The following CSMD1 variants were observed in gnomAD, a reference collection of about 807,000 sequenced individuals.
CSMD1 encodes the protein CUB and sushi domain-containing protein 1.
A neutral mutation model predicts 417.5 loss-of-function variants in CSMD1; 213 were observed. The observed-to-expected ratio is 0.51, with a 90% CI of 0.46 to 0.57. CSMD1 has a LOEUF of 0.57. Ranked by LOEUF, CSMD1 falls within the 20% of genes least tolerant of loss-of-function variation. CSMD1 has a pLI of 0.00. For missense variants in CSMD1, 6,923 were observed against 4,529.7 expected (o/e 1.53, Z -15.17); for synonymous variants, 2,862 against 1,736.8 (o/e 1.65, Z -16.11).
At chr8:3,867,170 G>T (rs561581434) in intron 5 of CSMD1, among the ~76,000 whole-genome samples, 1 of 152,114 alleles carries the variant, frequency 6.6e-6, no homozygotes, top group East Asian at 1.9e-4. Context: ...ATAGTTCACT[G>T]GTCTTTGGTC....
intron 1 of CSMD1, among the ~76,000 whole-genome samples, chr8:4,867,917 C>G (rs1461063651): frequency 6.6e-6 from 1 of 151,464 alleles, no homozygotes; most frequent in Non-Finnish European, 1.5e-5. Flanking sequence ...AATTTTCGAG[C>G]TAAGACCCTA....
chr8:4,325,466 A>G (rs1471142494), intron 3 of CSMD1, among the ~76,000 whole-genome samples: 1 of 152,180 alleles, frequency 6.6e-6, no homozygotes, highest in Non-Finnish European at 1.5e-5. Context: ...AGAATCGTCT[A>G]CTTTCAAGCG....
intron 1 of CSMD1, among the ~76,000 whole-genome samples, chr8:4,856,096 T>C (rs1451487137): frequency 4.0e-5 from 6 of 151,064 alleles, no homozygotes; most frequent in Admixed American, 3.9e-4. Context: ...CAGAAGAGAG[T>C]GGGGGCCAAT....
At chr8:4,157,788 G>C (rs2131081255) in intron 3 of CSMD1, among the ~76,000 whole-genome samples, 1 of 152,290 alleles carries the variant, frequency 6.6e-6, no homozygotes, top group East Asian at 1.9e-4. Flanking sequence ...ACAGCTGGGT[G>C]AACTTGCCCA....
chr8:4,043,851 A>C (rs1798015531), intron 3 of CSMD1, among the ~76,000 whole-genome samples: 1 of 152,230 alleles, frequency 6.6e-6, no homozygotes, highest in South Asian at 2.1e-4. Context: ...ACATACAAAA[A>C]TGATGAGACA....
intron 2 of CSMD1, among the ~76,000 whole-genome samples, chr8:4,574,078 C>T (rs749398045): frequency 6.6e-6 from 1 of 152,124 alleles, no homozygotes; most frequent in Non-Finnish European, 1.5e-5. Context: ...GTGGGACCCA[C>T]TGAGCAAGAC....
intron 3 of CSMD1, among the ~76,000 whole-genome samples, chr8:4,393,428 G>A (rs904704254): frequency 1.1e-4 from 16 of 152,152 alleles, no homozygotes; most frequent in Admixed American, 3.9e-4. Flanking sequence ...AAAATACATA[G>A]AACCCAAAAT....
At chr8:4,176,501 T>A (rs1023964648) in intron 3 of CSMD1, among the ~76,000 whole-genome samples, 1 of 152,126 alleles carries the variant, frequency 6.6e-6, no homozygotes, top group South Asian at 2.1e-4. Flanking sequence ...CACTACTGGT[T>A]CTATACCTTC....
intron 1 of CSMD1, among the ~76,000 whole-genome samples, chr8:4,878,377 A>T (rs1380275254): frequency 6.6e-6 from 1 of 152,112 alleles, no homozygotes; most frequent in Non-Finnish European, 1.5e-5. Flanking sequence ...AGCCTAAACT[A>T]TACCATTAAA....
chr8:4,450,454 C>G, intron 2 of CSMD1, among the ~76,000 whole-genome samples: 1 of 152,180 alleles, frequency 6.6e-6, no homozygotes, highest in Middle Eastern at 3.4e-3. Context: ...GGTGAAACCT[C>G]ATCTCTACTG....
chr8:4,207,280 T>C (rs1800035777), intron 3 of CSMD1, among the ~76,000 whole-genome samples: 1 of 152,158 alleles, frequency 6.6e-6, no homozygotes, highest in Non-Finnish European at 1.5e-5. Context: ...AACTGTACAA[T>C]TATGGCTGGT....
chr8:4,479,677 C>T (rs1254041060), intron 2 of CSMD1, among the ~76,000 whole-genome samples: 1 of 151,998 alleles, frequency 6.6e-6, no homozygotes, highest in Non-Finnish European at 1.5e-5. Flanking sequence ...GGGTAGACCA[C>T]GAGGTCAGGA....
intron 3 of CSMD1, among the ~76,000 whole-genome samples, chr8:4,154,852 T>G (rs142805365): frequency 2.0e-5 from 3 of 152,278 alleles, no homozygotes; most frequent in African/African-American, 7.2e-5. Context: ...CTTTCTGATT[T>G]GTTGATACCA....
At chr8:4,369,452 G>A (rs957131769) in intron 3 of CSMD1, among the ~76,000 whole-genome samples, 1 of 152,132 alleles carries the variant, frequency 6.6e-6, no homozygotes, top group Non-Finnish European at 1.5e-5. Flanking sequence ...AGATGTCTCT[G>A]ACGTATAATT....
At chr8:3,454,677 G>C (rs950822748) in intron 12 of CSMD1, among the ~76,000 whole-genome samples, 3 of 152,220 alleles carry the variant, frequency 2.0e-5, no homozygotes, top group Non-Finnish European at 2.9e-5. Context: ...TCTGCGGAGA[G>C]ATCAGCTGTT....
chr8:4,623,886 G>C (rs551713886), intron 2 of CSMD1, among the ~76,000 whole-genome samples: 1 of 152,182 alleles, frequency 6.6e-6, no homozygotes, highest in East Asian at 1.9e-4. Flanking sequence ...AAAGTTTTGT[G>C]GGTGATAGAA....
At chr8:3,167,217 GGAGGTTGCAGTGAGCC>G (rs1820280282) in intron 37 of CSMD1, among the ~76,000 whole-genome samples, 1 of 150,964 alleles carries the variant, frequency 6.6e-6, no homozygotes, top group Non-Finnish European at 1.5e-5. Context: ...CCCAGGAGGC[GGAGGTTGCAGTGAGCC>G]GAGATCGCAC....
chr8:4,315,268 T>C (rs761494602), intron 3 of CSMD1, among the ~76,000 whole-genome samples: 1 of 152,142 alleles, frequency 6.6e-6, no homozygotes, highest in Admixed American at 6.5e-5. Flanking sequence ...GTAGGGTTTA[T>C]GAAAACTGAG....
chr8:3,847,351 G>A lies in CSMD1; in HGVS notation c.819-93309C>T, dbSNP rs142274970. 5.3e-3 allele frequency among the ~76,000 whole-genome samples: 800 copies of A among 152,288 alleles called. 4 individuals are homozygous for A. Among genetic ancestry groups the A allele is most frequent in the Middle Eastern group, 0.02 (6 of 294 alleles). On this transcript the variant is annotated intron_variant, in intron 5 of 69. Coordinates refer to ENST00000635120, the MANE Select transcript of CSMD1 (RefSeq NM_033225.6). ...ACCCTTAAAAGTGTTCCAAGTCAGA[G>A]AAGGAAGCAGAAGTGGTCCCCTCCT...
Sources: allele counts gnomAD v4.1 joint callset (sites outside exome capture counted in the v4.1 genomes callset), GRCh38; gene constraint gnomAD v4.1.1; transcripts MANE v1.5; gene names NCBI Gene and HGNC (gene_info 2026-07-23, HGNC 2026-07-21).